The following BTNL8 variants were observed in gnomAD, a reference collection of about 807,000 sequenced individuals.
BTNL8 encodes butyrophilin like 8.
In BTNL8, 22 loss-of-function variants were observed where a neutral mutation model predicts 36.1. That is an observed-to-expected ratio of 0.61 (90% CI 0.44 to 0.87). The LOEUF is 0.87. BTNL8 is among the 40% of genes least tolerant of loss of function. The pLI is 0.00. For synonymous variants in BTNL8, 203 were observed against 235.6 expected (o/e 0.86, Z 1.27); for missense variants, 526 against 616.9 (o/e 0.85, Z 1.56).
At chr5:180,920,431 C>T (rs1229623971) in intron 3 of BTNL8, among the ~76,000 whole-genome samples, 1 of 152,008 alleles carries the variant, frequency 6.6e-6, no homozygotes, top group Non-Finnish European at 1.5e-5. Context: ...TTCCATCACA[C>T]ACAAAAATCA....
At chr5:180,911,314 C>T (rs775223793) in intron 2 of BTNL8, 25 bp from the exon 3 acceptor site, 3 of 1,610,752 alleles carry the variant, frequency 1.9e-6, no homozygotes, top group South Asian at 2.2e-5. Flanking sequence ...TCTTTGCTTT[C>T]AACCGTTCCC....
intron 2 of BTNL8, chr5:180,909,421 A>G: frequency 2.5e-6 from 1 of 404,214 alleles, no homozygotes; most frequent in Non-Finnish European, 3.3e-6. Context: ...TTTTAAATTA[A>G]CAAATAAAGA....
intron 3 of BTNL8, among the ~76,000 whole-genome samples, chr5:180,913,553 G>A (rs1582021572): frequency 6.6e-6 from 1 of 152,214 alleles, no homozygotes. Context: ...AGGGTGTAAG[G>A]TGGTGGTACA....
Position 180,950,564 on chromosome 5 carries a change from T to C in BTNL8, c.*20T>C. On this transcript the variant is annotated 3_prime_UTR_variant, in exon 8 of 8. Coordinates refer to ENST00000340184, the MANE Select transcript of BTNL8 (RefSeq NM_001040462.3). ...ATGTAGGATGAATCACATCCCACAT[T>C]CTTCTTTAGGGATATTAAGGTCTCT... 2 of 1,458,278 alleles carry C rather than the reference T, an allele frequency of 1.4e-6. 1 individual carries two copies. The highest frequency in any genetic ancestry group is 1.9e-6 in the Non-Finnish European group (2 of 1,057,898). 90.3% of individuals were successfully genotyped at this position (1,458,278 alleles called of 1,614,324 possible). A position where few individuals can be genotyped will look rare whatever the true frequency, so the allele number is the denominator to read the frequency against.
At position 180,925,656 on chromosome 5, in the gene BTNL8, A is replaced by C. The variant is rs568857001; in HGVS notation, c.673+14042A>C. Among the ~76,000 whole-genome samples, 217 of 152,314 alleles carry C rather than the reference A, an allele frequency of 1.4e-3. 1 individual carries two copies. The highest frequency in any genetic ancestry group is 7.2e-3 in the South Asian group (35 of 4,834). On this transcript the variant is annotated intron_variant, in intron 3 of 7. Transcript: ENST00000340184. ...CTATTTTATAAATATTACTAAAGGGAGCCCTTTAACTAAAACAAAAGGATT... is the reference window on the plus strand; with the variant it reads ...CTATTTTATAAATATTACTAAAGGGCGCCCTTTAACTAAAACAAAAGGATT...
At chr5:180,938,259 AGAG>A (rs1422069261) in intron 3 of BTNL8, among the ~76,000 whole-genome samples, 1 of 152,246 alleles carries the variant, frequency 6.6e-6, no homozygotes, top group Non-Finnish European at 1.5e-5. Context: ...TTTCAGAAGA[AGAG>A]ATGAGAGATG....
intron 3 of BTNL8, among the ~76,000 whole-genome samples, chr5:180,929,341 C>T (rs1241327699): frequency 6.6e-6 from 1 of 152,126 alleles, no homozygotes; most frequent in African/African-American, 2.4e-5. Flanking sequence ...TATAGCACTA[C>T]ATGCCCACAG....
intron 3 of BTNL8, among the ~76,000 whole-genome samples, chr5:180,927,327 C>T (rs1758151966): frequency 6.6e-6 from 1 of 152,176 alleles, no homozygotes; most frequent in Non-Finnish European, 1.5e-5. Flanking sequence ...ATTCGAAGGT[C>T]ACCAACATCA....
chr5:180,919,082 C>T (rs1261301472), intron 3 of BTNL8, among the ~76,000 whole-genome samples: 1 of 152,154 alleles, frequency 6.6e-6, no homozygotes, highest in Non-Finnish European at 1.5e-5. Flanking sequence ...GGCAGCTTTG[C>T]CAGGCTATTT....
At chr5:180,936,576 A>G (rs935789178) in intron 3 of BTNL8, among the ~76,000 whole-genome samples, 3 of 152,236 alleles carry the variant, frequency 2.0e-5, no homozygotes, top group Non-Finnish European at 4.4e-5. Context: ...GATTAAAGAA[A>G]TTGAAGAAAA....
chr5:180,906,091 C>A (rs1332517053), intron 1 of BTNL8, among the ~76,000 whole-genome samples: 1 of 141,590 alleles, frequency 7.1e-6, no homozygotes, highest in Admixed American at 6.9e-5. Context: ...GACTTTCTGT[C>A]TCGTTGATCT....
rs1160518162 is a variant in BTNL8 at position 180,911,522 on chromosome 5, C to T, written c.581C>T (p.Ser194Phe). 2.5e-6 allele frequency: 4 copies of T among 1,614,132 alleles called. No homozygotes were observed. Among genetic ancestry groups the T allele is most frequent in the Non-Finnish European group, 3.4e-6 (4 of 1,180,034 alleles). Residue 194 changes from serine (S) to phenylalanine (F), a missense_variant, in exon 3 of 8, where the codon TCT becomes TTT. By Grantham distance (155) the Ser-to-Phe change is radical. This residue lies in a region of BTNL8 where 350 missense variants were observed against 324.6 expected (regional missense o/e 1.08). Coordinates refer to ENST00000340184, the MANE Select transcript of BTNL8 (RefSeq NM_001040462.3). ...DMHGLFDVEI[S>F]LTVQENAGSI... ...CATGGCCTGTTTGATGTGGAGATCTCTCTGACCGTCCAAGAGAACGCCGGG... is the reference window on the plus strand; with the variant it reads ...CATGGCCTGTTTGATGTGGAGATCTTTCTGACCGTCCAAGAGAACGCCGGG...
At chr5:180,936,665 G>A (rs1758665423) in intron 3 of BTNL8, among the ~76,000 whole-genome samples, 1 of 152,334 alleles carries the variant, frequency 6.6e-6, no homozygotes, top group African/African-American at 2.4e-5. Context: ...TAGCAGAGCT[G>A]CCGCTTGCCG....
rs1330373701 is a variant in BTNL8 at position 180,908,174 on chromosome 5, A to G, written c.50-412A>G. On this transcript the variant is annotated intron_variant, in intron 1 of 7. Coordinates refer to ENST00000340184, the MANE Select transcript of BTNL8 (RefSeq NM_001040462.3). ...TAGCAATCAGCGAGACTCTGTGGTCATAGGACCCTCTGAGCCAGGTGTGGG... is the reference window on the plus strand; with the variant it reads ...TAGCAATCAGCGAGACTCTGTGGTCGTAGGACCCTCTGAGCCAGGTGTGGG... 5.9e-5 allele frequency among the ~76,000 whole-genome samples: 9 copies of G among 152,250 alleles called. No individual in the cohort carries two copies. The South Asian group carries it at 6.2e-4, about 11-fold the overall frequency.
intron 3 of BTNL8, 42 bp downstream of exon 3, chr5:180,911,656 TTCGGTAAC>T (rs754609694): frequency 6.4e-6 from 10 of 1,553,658 alleles, no homozygotes; most frequent in Non-Finnish European, 8.8e-6. Context: ...GGGTGGATGC[TTCGGTAAC>T]TCAGAGGGAG....
Position 180,907,847 on chromosome 5 carries a change from G to T in BTNL8, c.50-739G>T, listed in dbSNP as rs960549648. 2.6e-3 allele frequency among the ~76,000 whole-genome samples: 398 copies of T among 151,152 alleles called. 3 individuals carry two copies. Among genetic ancestry groups the T allele is most frequent in the Admixed American group, 0.01 (153 of 15,168 alleles). On this transcript the variant is annotated intron_variant, in intron 1 of 7. Coordinates refer to ENST00000340184, the MANE Select transcript of BTNL8 (RefSeq NM_001040462.3). ...AGGCTGCTCGGGGGTCAGGGGTCAG[G>T]GACTCACTTGAGGAGGCAGTCTGCC...
At chr5:180,904,016 T>A (rs1339399843) in intron 1 of BTNL8, among the ~76,000 whole-genome samples, 1 of 133,812 alleles carries the variant, frequency 7.5e-6, no homozygotes. Context: ...AGGCTCTTTT[T>A]TGGTTCCATA....
At chr5:180,947,810 A>G (rs1184333682) in intron 4 of BTNL8, 185 bp downstream of exon 4, 2 of 1,577,322 alleles carry the variant, frequency 1.3e-6, no homozygotes, top group African/African-American at 2.7e-5. Flanking sequence ...AATATCAACT[A>G]CGACAGCCCC....
intron 3 of BTNL8, among the ~76,000 whole-genome samples, chr5:180,929,485 GA>G (rs1262927699): frequency 6.6e-6 from 1 of 152,128 alleles, no homozygotes; most frequent in Non-Finnish European, 1.5e-5. Context: ...GAAGGAAATA[GA>G]GACACAAAAA....
Sources: allele counts gnomAD v4.1 joint callset (sites outside exome capture counted in the v4.1 genomes callset), GRCh38; gene constraint gnomAD v4.1.1; regional missense constraint gnomAD v4.1.1; transcripts MANE v1.5; gene names NCBI Gene and HGNC (gene_info 2026-07-23, HGNC 2026-07-21).